NPEPPS: variants seen among roughly 807,000 people sequenced by gnomAD.
The protein encoded by NPEPPS is puromycin-sensitive aminopeptidase.
A neutral mutation model predicts 115.5 loss-of-function variants in NPEPPS; 14 were observed. The observed-to-expected ratio is 0.12, with a 90% CI of 0.08 to 0.19. The LOEUF is 0.19. Among genes scored for constraint, NPEPPS ranks in the 10% least tolerant of loss-of-function variants. NPEPPS has a pLI of 1.00. For missense variants in NPEPPS, 523 were observed against 1,110.8 expected, an observed-to-expected ratio of 0.47 and a Z score of 7.52; for synonymous variants, 285 against 390.6, an observed-to-expected ratio of 0.73 and a Z score of 3.19.
At chr17:47,531,722 G>A (rs1331590958) in intron 1 of NPEPPS, among the ~76,000 whole-genome samples, 167 bp downstream of exon 1, 1 of 151,562 alleles carries the variant, frequency 6.6e-6, no homozygotes. Flanking sequence ...TTGGGGCTGG[G>A]GCTGGGGCTG....
intron 1 of NPEPPS, among the ~76,000 whole-genome samples, chr17:47,540,775 C>G (rs1461814450): frequency 6.6e-6 from 1 of 152,122 alleles, no homozygotes; most frequent in Non-Finnish European, 1.5e-5. Context: ...ATATGAAGCA[C>G]TAAGTGCTAA....
intron 2 of NPEPPS, among the ~76,000 whole-genome samples, chr17:47,560,587 A>G (rs1910364406): frequency 6.6e-6 from 1 of 152,172 alleles, no homozygotes; most frequent in South Asian, 2.1e-4. Flanking sequence ...GAAGCTTTGC[A>G]AAGTAAGTTC....
chr17:47,601,834 A>T, intron 15 of NPEPPS, 87 bp downstream of exon 15: 1 of 1,352,050 alleles, frequency 7.4e-7, no homozygotes, highest in East Asian at 2.3e-5. Flanking sequence ...TAGTAGTTTC[A>T]AAGAAAAAAA....
chr17:47,541,610 C>A (rs985200055), intron 1 of NPEPPS, among the ~76,000 whole-genome samples: 1 of 152,120 alleles, frequency 6.6e-6, no homozygotes, highest in Non-Finnish European at 1.5e-5. Context: ...CCCCTGACCT[C>A]GTGATCCACC....
intron 5 of NPEPPS, among the ~76,000 whole-genome samples, chr17:47,584,220 C>T (rs1291770074): frequency 7.1e-6 from 1 of 140,164 alleles, no homozygotes; most frequent in Non-Finnish European, 1.5e-5. Context: ...GACTCCATCT[C>T]GGGGGAAAAA....
upstream of NPEPPS, among the ~76,000 whole-genome samples, chr17:47,530,190 G>A (rs1272381790): frequency 1.4e-5 from 2 of 142,944 alleles, no homozygotes; most frequent in Non-Finnish European, 3.0e-5. Flanking sequence ...TGATCCGCCC[G>A]CCTCGGCCTC....
rs1292632544 is a variant in NPEPPS, at chr17:47,622,071, C to T, written c.*151C>T. 7.8e-7 allele frequency: 1 copy of T among 1,279,460 alleles called. No individual in the cohort carries two copies. 79.3% of individuals were successfully genotyped at this position (1,279,460 alleles called of 1,614,324 possible). A position where few individuals can be genotyped will look rare whatever the true frequency, so the allele number is the denominator to read the frequency against. On this transcript the variant is annotated 3_prime_UTR_variant, in exon 23 of 23. Transcript: ENST00000322157. Reference sequence around the variant, plus strand: ...AATGTAGTTAACTGGTTCCTGCTCACACTCCAGAATTAAATTCTATTGAAA... The same window carrying T: ...AATGTAGTTAACTGGTTCCTGCTCATACTCCAGAATTAAATTCTATTGAAA...
intron 2 of NPEPPS, among the ~76,000 whole-genome samples, chr17:47,568,037 C>T (rs1047386320): frequency 6.6e-5 from 10 of 152,146 alleles, no homozygotes; most frequent in Non-Finnish European, 1.0e-4. Flanking sequence ...ATTGCTGTAT[C>T]ACATGATACC....
intron 14 of NPEPPS, among the ~76,000 whole-genome samples, chr17:47,601,110 C>T (rs1054831491): frequency 1.3e-5 from 2 of 152,048 alleles, no homozygotes; most frequent in African/African-American, 4.8e-5. Context: ...TGGCACACAC[C>T]TGTAGTCCCA....
intron 1 of NPEPPS, among the ~76,000 whole-genome samples, chr17:47,532,309 C>T (rs1907861169): frequency 2.0e-5 from 3 of 152,088 alleles, no homozygotes; most frequent in Admixed American, 2.0e-4. Context: ...TTGCGGCCTT[C>T]GAAGCTGGTG....
chr17:47,570,682 A>G (rs1911140707), intron 3 of NPEPPS, among the ~76,000 whole-genome samples: 1 of 152,240 alleles, frequency 6.6e-6, no homozygotes, highest in Admixed American at 6.5e-5. Context: ...ACTTTGATGA[A>G]TGAACAAATG....
intron 1 of NPEPPS, among the ~76,000 whole-genome samples, chr17:47,532,354 C>G (rs1295281441): frequency 6.6e-6 from 1 of 152,040 alleles, no homozygotes; most frequent in East Asian, 1.9e-4. Context: ...CTTAGCAGTA[C>G]CTTCCTCTCC....
chr17:47,582,270 T>A (rs1911926921), intron 4 of NPEPPS: 1 of 205,730 alleles, frequency 4.9e-6, no homozygotes, highest in Non-Finnish European at 1.0e-5. Context: ...CTGTCTTTAT[T>A]CCCATTGCTG....
In NPEPPS at chr17:47,622,551, AAAAAAACAAAAAGC is replaced by A. The variant is rs1230486008; in HGVS notation, c.*644_*657del. The stretch of plus-strand genomic sequence containing the variant: ...TCTGTGTGACCGACCCCTTGGCCAA[AAAAAAACAAAAAGC>A]AAAAAACAAAAACCTACCCTGTTCT... On this transcript the variant is annotated 3_prime_UTR_variant, in exon 23 of 23. Transcript: ENST00000322157. 4.0e-6 allele frequency: 1 copy of A among 247,976 alleles called. No homozygotes were observed. Among genetic ancestry groups the A allele is most frequent in the East Asian group, 1.6e-4 (1 of 6,442 alleles). The allele number at this position is 247,976 out of a possible 1,614,324, so 15.4% of individuals were successfully genotyped here.
chr17:47,526,862 G>T (rs1431790878), upstream of NPEPPS, among the ~76,000 whole-genome samples: 4 of 152,136 alleles, frequency 2.6e-5, no homozygotes, highest in African/African-American at 9.7e-5. Flanking sequence ...CGAGGCTGAG[G>T]AAGGAGAATG....
chr17:47,615,069 C>CTTTT (rs1197137063), intron 19 of NPEPPS, among the ~76,000 whole-genome samples: 5 of 119,704 alleles, frequency 4.2e-5, no homozygotes, highest in African/African-American at 1.6e-4. Flanking sequence ...GGTTTACTTT[C>CTTTT]TTTCTTTTTT....
rs756353349 is a variant in NPEPPS at position 47,618,452 on chromosome 17, C to T, written c.2398C>T (p.Leu800Phe). The T allele has an allele frequency of 6.2e-7, 1 of 1,609,136 alleles. No homozygotes were observed. The highest frequency in any genetic ancestry group is 8.5e-7 in the Non-Finnish European group (1 of 1,175,676). ...GATTCAAAAAGTCCTCACGTTTGCA[C>T]TTTCAGTAAGTTACGGTGAAAACTG... is the stretch of plus-strand genomic sequence containing the variant. ...DLIQKVLTFA[L>F]SEEVRPQDTV... The change falls in exon 20 of 23, where the codon CTT (leucine) becomes TTT (phenylalanine). Residue 800 changes from leucine (L) to phenylalanine (F), a missense_variant. Leu to Phe is a conservative substitution (Grantham distance 22). Transcript: ENST00000322157.
At chr17:47,574,701 C>T (rs1911400761) in intron 3 of NPEPPS, among the ~76,000 whole-genome samples, 1 of 152,098 alleles carries the variant, frequency 6.6e-6, no homozygotes, top group African/African-American at 2.4e-5. Flanking sequence ...AGTGATTCTC[C>T]CACTTCAGCC....
At chr17:47,554,152 T>G (rs765109637) in intron 2 of NPEPPS, among the ~76,000 whole-genome samples, 13 of 151,908 alleles carry the variant, frequency 8.6e-5, no homozygotes, top group Non-Finnish European at 7.4e-5. Flanking sequence ...GCAAGTCTCC[T>G]GCCTCAGCCT....
Sources: allele counts gnomAD v4.1 joint callset (sites outside exome capture counted in the v4.1 genomes callset), GRCh38; gene constraint gnomAD v4.1.1; transcripts MANE v1.5; gene names NCBI Gene and HGNC (gene_info 2026-07-23, HGNC 2026-07-21).